FHIT: variants seen among roughly 807,000 people sequenced by gnomAD.
FHIT encodes fragile histidine triad diadenosine triphosphatase, also known as bis(5'-adenosyl)-triphosphatase.
A neutral mutation model predicts 17.9 loss-of-function variants in FHIT; 19 were observed. The observed-to-expected ratio is 1.06, with a 90% confidence interval of 0.74 to 1.56. The LOEUF is 1.56. Ranked by LOEUF, FHIT falls within the 40% of genes most tolerant of loss-of-function variation. The pLI is 0.00. For missense variants in FHIT, 248 were observed against 189.2 expected, an observed-to-expected ratio of 1.31 and a Z score of -1.82; for synonymous variants, 81 against 69.7, an observed-to-expected ratio of 1.16 and a Z score of -0.81.
chr3:59,898,061 C>A (rs540718475), intron 8 of FHIT, among the ~76,000 whole-genome samples: 85 of 152,232 alleles, frequency 5.6e-4, no homozygotes, highest in South Asian at 1.7e-3. Context: ...GCCACGGTGC[C>A]CAGCCCAAAA....
chr3:60,391,984 T>C (rs1223550159), intron 5 of FHIT, among the ~76,000 whole-genome samples: 1 of 152,120 alleles, frequency 6.6e-6, no homozygotes, highest in Non-Finnish European at 1.5e-5. Context: ...AAGGTGGTGC[T>C]GAAACAAGAT....
At chr3:60,795,872 T>C (rs1219626101) in intron 4 of FHIT, among the ~76,000 whole-genome samples, 1 of 152,188 alleles carries the variant, frequency 6.6e-6, no homozygotes, top group African/African-American at 2.4e-5. Flanking sequence ...ATTTCATTGC[T>C]TGGCATTGTT....
At chr3:60,573,290 A>C (rs890711105) in intron 4 of FHIT, among the ~76,000 whole-genome samples, 2 of 152,180 alleles carry the variant, frequency 1.3e-5, no homozygotes, top group Admixed American at 1.3e-4. Flanking sequence ...GGGACATTTG[A>C]GACCATTTCC....
intron 7 of FHIT, among the ~76,000 whole-genome samples, chr3:59,987,176 T>C (rs927539701): frequency 7.5e-5 from 11 of 145,880 alleles, no homozygotes; most frequent in Admixed American, 4.2e-4. Flanking sequence ...TATATATTTA[T>C]ATATTTTTTC....
chr3:60,159,649 T>A (rs190740648), intron 5 of FHIT, among the ~76,000 whole-genome samples: 1 of 152,222 alleles, frequency 6.6e-6, no homozygotes, highest in African/African-American at 2.4e-5. Context: ...ATTGCTTTTA[T>A]ACATCTATTA....
intron 8 of FHIT, among the ~76,000 whole-genome samples, chr3:59,866,811 A>G (rs1256200558): frequency 6.6e-6 from 1 of 152,078 alleles, no homozygotes; most frequent in Non-Finnish European, 1.5e-5. Flanking sequence ...GAGCAGCACA[A>G]TATCCTTGGG....
chr3:60,435,709 A>T (rs2030162048), intron 5 of FHIT, among the ~76,000 whole-genome samples: 1 of 152,090 alleles, frequency 6.6e-6, no homozygotes, highest in South Asian at 2.1e-4. Context: ...TACACAGGTA[A>T]ACATGTGTCA....
intron 8 of FHIT, among the ~76,000 whole-genome samples, chr3:59,769,194 T>C (rs1701951027): frequency 6.6e-6 from 1 of 152,230 alleles, no homozygotes. Flanking sequence ...GAAGCTGACC[T>C]CTGGCTGTCT....
intron 2 of FHIT, among the ~76,000 whole-genome samples, chr3:61,190,536 A>G (rs1269060680): frequency 6.6e-6 from 1 of 152,172 alleles, no homozygotes; most frequent in Non-Finnish European, 1.5e-5. Flanking sequence ...TTCCTCAGGG[A>G]TCTAGAACTA....
At chr3:60,072,354 G>A (rs190438202) in intron 5 of FHIT, among the ~76,000 whole-genome samples, 3 of 152,222 alleles carry the variant, frequency 2.0e-5, no homozygotes, top group East Asian at 1.9e-4. Flanking sequence ...TGTCCAGTTC[G>A]ATGGCTGTCA....
chr3:60,585,719 C>A (rs1048085431), intron 4 of FHIT, among the ~76,000 whole-genome samples: 3 of 152,016 alleles, frequency 2.0e-5, no homozygotes, highest in Non-Finnish European at 4.4e-5. Context: ...ATTTTTCCTT[C>A]TTGATCTGTT....
At chr3:60,842,427 A>T (rs552852325) in intron 3 of FHIT, among the ~76,000 whole-genome samples, 2 of 151,582 alleles carry the variant, frequency 1.3e-5, no homozygotes, top group Non-Finnish European at 2.9e-5. Flanking sequence ...TCATTCACTC[A>T]TTGCTAACAC....
At chr3:60,781,818 A>T (rs1553725754) in intron 4 of FHIT, among the ~76,000 whole-genome samples, 2 of 152,196 alleles carry the variant, frequency 1.3e-5, no homozygotes, top group Non-Finnish European at 2.9e-5. Flanking sequence ...TTGTTCAGAA[A>T]TTATTTCATT....
intron 5 of FHIT, among the ~76,000 whole-genome samples, chr3:60,288,705 G>A (rs966336559): frequency 2.6e-5 from 4 of 151,590 alleles, no homozygotes; most frequent in Non-Finnish European, 5.9e-5. Context: ...TTAAAAAAAA[G>A]TACATAGGAT....
chr3:59,781,653 C>A (rs1200970551), intron 8 of FHIT, among the ~76,000 whole-genome samples: 1 of 152,244 alleles, frequency 6.6e-6, no homozygotes, highest in Non-Finnish European at 1.5e-5. Flanking sequence ...TGGATTTCAT[C>A]CTGCTAATGC....
At chr3:60,748,699 C>A (rs2042406938) in intron 4 of FHIT, among the ~76,000 whole-genome samples, 1 of 152,068 alleles carries the variant, frequency 6.6e-6, no homozygotes, top group South Asian at 2.1e-4. Context: ...GTAATCCTAG[C>A]TACTTGGGAG....
At chr3:60,644,200 A>G (rs2039796835) in intron 4 of FHIT, among the ~76,000 whole-genome samples, 1 of 152,234 alleles carries the variant, frequency 6.6e-6, no homozygotes, top group South Asian at 2.1e-4. Context: ...CAAGACTGAA[A>G]AAGAGAAAAT....
chr3:60,962,886 T>G (rs568165389), intron 3 of FHIT, among the ~76,000 whole-genome samples: 2 of 152,350 alleles, frequency 1.3e-5, no homozygotes, highest in African/African-American at 4.8e-5. Context: ...TGGTCTAAAA[T>G]TCTCTTATTT....
In FHIT at chr3:60,383,393, C is replaced by G. The variant is rs144856529; in HGVS notation, c.103+153467G>C. On this transcript the variant is annotated intron_variant, in intron 5 of 9. Coordinates refer to ENST00000492590, the MANE Select transcript of FHIT (RefSeq NM_002012.4). Reference sequence around the variant, plus strand: ...ATTAACCAAGGGTCAATTTTGCTCCCCCAACCCCCACCCAGAAATATTTGG... The same window carrying G: ...ATTAACCAAGGGTCAATTTTGCTCCGCCAACCCCCACCCAGAAATATTTGG... Among the ~76,000 whole-genome samples, 41 of 152,102 alleles carry G rather than the reference C, an allele frequency of 2.7e-4. No individual in the cohort carries two copies. In the East Asian group the frequency reaches 7.5e-3, roughly 28 times the overall value.
Sources: allele counts gnomAD v4.1 joint callset (sites outside exome capture counted in the v4.1 genomes callset), GRCh38; gene constraint gnomAD v4.1.1; transcripts MANE v1.5; gene names NCBI Gene and HGNC (gene_info 2026-07-23, HGNC 2026-07-21).